The following CPNE9 variants were observed in gnomAD, a reference collection of about 807,000 sequenced individuals.
The protein encoded by CPNE9 is copine family member 9.
A neutral mutation model predicts 83.0 loss-of-function variants in CPNE9; 59 were observed. That is an observed-to-expected ratio of 0.71 (90% CI 0.58 to 0.88). CPNE9 has a LOEUF of 0.88. CPNE9 is among the 40% of genes least tolerant of loss of function. The pLI is 0.00. For missense variants in CPNE9, 619 were observed against 720.8 expected, an observed-to-expected ratio of 0.86 and a Z score of 1.62; for synonymous variants, 256 against 273.4, an observed-to-expected ratio of 0.94 and a Z score of 0.63.
intron 13 of CPNE9, 36 bp downstream of exon 13, chr3:9,715,562 C>T (rs1329928651): frequency 2.6e-6 from 4 of 1,560,618 alleles, no homozygotes; most frequent in Non-Finnish European, 3.5e-6. Context: ...CTCCCTGGAT[C>T]CTTCCGTGTC....
rs1559647404 is a variant in CPNE9 at position 9,727,500 on chromosome 3, G to A, written c.1476+314G>A. 7 of 693,268 alleles carry A rather than the reference G, an allele frequency of 1.0e-5. No homozygotes were observed. The South Asian group carries it at 1.1e-4, about 11-fold the overall frequency. The allele number at this position is 693,268 out of a possible 1,614,324, so 42.9% of individuals were successfully genotyped here. A position where few individuals can be genotyped will look rare whatever the true frequency, so the allele number is the denominator to read the frequency against. ...CTCCAGAGGAATAGCAAATGCCACT[G>A]TGAGAGCCTGTAACAGGGACCTAAC... On this transcript the variant is annotated intron_variant, in intron 20 of 20. Coordinates refer to ENST00000383832, the MANE Select transcript of CPNE9 (RefSeq NM_153635.3).
intron 4 of CPNE9, 101 bp downstream of exon 4, chr3:9,705,095 C>T (rs2076548489): frequency 2.4e-6 from 2 of 843,678 alleles, no homozygotes; most frequent in Admixed American, 2.0e-5. Flanking sequence ...CCTGGTTCTT[C>T]TCGCAGGCCT....
chr3:9,713,702 G>C (rs760454761), intron 10 of CPNE9, among the ~76,000 whole-genome samples: 7 of 152,114 alleles, frequency 4.6e-5, no homozygotes, highest in Non-Finnish European at 1.0e-4. Flanking sequence ...TGGATTTGTA[G>C]GTGAATTAGT....
chr3:9,727,328 C>T, intron 20 of CPNE9, 142 bp downstream of exon 20: 5 of 940,860 alleles, frequency 5.3e-6, no homozygotes, highest in Non-Finnish European at 8.6e-6. Flanking sequence ...TCATTGAATA[C>T]ATCCTTTTTG....
chr3:9,705,901 T>C, intron 6 of CPNE9, 86 bp from the exon 7 acceptor site: 2 of 1,476,024 alleles, frequency 1.4e-6, no homozygotes, highest in Non-Finnish European at 1.9e-6. Flanking sequence ...GGAACTGCCC[T>C]GGTCCTGTGC....
chr3:9,726,149 C>A, intron 18 of CPNE9, 98 bp downstream of exon 18: 1 of 701,824 alleles, frequency 1.4e-6, no homozygotes, highest in Non-Finnish European at 2.4e-6. Context: ...GTTAGCCTGC[C>A]AGTTTCATGG....
intron 19 of CPNE9, 152 bp from the exon 20 acceptor site, chr3:9,726,961 T>C (rs2076790118): frequency 3.5e-6 from 3 of 857,368 alleles, no homozygotes; most frequent in Admixed American, 2.1e-5. Context: ...ATAATAGTAA[T>C]AATAACTCCA....
rs1575113659 is a variant in CPNE9, at chr3:9,704,954, G to C, written c.220G>C (p.Asp74His). The change falls in exon 4 of 21, where the codon GAC becomes CAC. Residue 74 changes from aspartate to histidine, a missense_variant. Transcript: ENST00000383832. The surrounding 1 kb of genome is among the most constrained non-coding windows in gnomAD (Gnocchi z 7.1). ...AGACTTCGTGCGCAAATTCGTCCTC[G>C]ACTATTTCTTTGAGGAAAAGCAAAA... ...NPDFVRKFVL[D>H]YFFEEKQNLR... 9 of 1,613,302 alleles carry C rather than the reference G, an allele frequency of 5.6e-6. No individual in the cohort carries two copies. The East Asian group carries it at 1.3e-4, about 24-fold the overall frequency.
chr3:9,704,175 C>A lies in CPNE9; in HGVS notation c.68+111C>A. ...GACCCCCGGGGAGAGGCGAAATTGG[C>A]TGGAAAATCACAGCTGATGACAGGG... is the stretch of plus-strand genomic sequence containing the variant. On this transcript the variant is annotated intron_variant, in intron 1 of 20. Transcript: ENST00000383832. This position sits in a 1 kb window ranked among gnomAD's most constrained non-coding sequence, Gnocchi z 7.1. 2.9e-6 allele frequency: 3 copies of A among 1,033,314 alleles called. No homozygotes were observed. The highest frequency in any genetic ancestry group is 4.2e-6 in the Non-Finnish European group (3 of 708,400). 64.0% of individuals were successfully genotyped at this position (1,033,314 alleles called of 1,614,324 possible). A position where few individuals can be genotyped will look rare whatever the true frequency, so the allele number is the denominator to read the frequency against.
rs1005396893 is a variant in CPNE9 at position 9,717,175 on chromosome 3, G to A, written c.931+71G>A. On this transcript the variant is annotated intron_variant, in intron 15 of 20. Coordinates refer to ENST00000383832, the MANE Select transcript of CPNE9 (RefSeq NM_153635.3). ...TAAGGGAGTCATTAGGAGTTGGCCT[G>A]GATTCCTACCTAGAGATAAGAGTTT... is the stretch of plus-strand genomic sequence containing the variant. 24 of 1,519,506 alleles carry A rather than the reference G, an allele frequency of 1.6e-5. No homozygotes were observed. The Middle Eastern group carries it at 5.1e-4, about 32-fold the overall frequency. The allele number at this position is 1,519,506 out of a possible 1,614,324, so 94.1% of individuals were successfully genotyped here.
intron 10 of CPNE9, 24 bp from the exon 11 acceptor site, chr3:9,714,890 G>A: frequency 6.2e-7 from 1 of 1,607,760 alleles, no homozygotes; most frequent in African/African-American, 1.3e-5. Flanking sequence ...CACACCTAGG[G>A]TATGTTTATC....
intron 7 of CPNE9, among the ~76,000 whole-genome samples, chr3:9,709,256 A>G (rs1167587996): frequency 1.4e-5 from 2 of 146,740 alleles, no homozygotes; most frequent in African/African-American, 5.0e-5. Context: ...AGCCTGGGCA[A>G]CAGAGGGAGA....
intron 17 of CPNE9, among the ~76,000 whole-genome samples, chr3:9,721,895 T>G (rs1027924564): frequency 1.3e-5 from 2 of 152,122 alleles, no homozygotes; most frequent in African/African-American, 4.8e-5. Flanking sequence ...TTCCTCATTT[T>G]AAACATAGGA....
At chr3:9,705,348 G>C in intron 4 of CPNE9, 116 bp from the exon 5 acceptor site, 1 of 767,090 alleles carries the variant, frequency 1.3e-6, no homozygotes, top group Non-Finnish European at 2.2e-6. Context: ...AGCTGAATTC[G>C]GGTCCACGGC....
Position 9,705,003 on chromosome 3 carries a change from C to A in CPNE9, c.260+9C>A. ...AATCTGCGCTTCGATGTGTGAGGCC[C>A]CGCCTGGAATTCTGGCTTGGCCCGC... is the stretch of plus-strand genomic sequence containing the variant. On this transcript the variant is annotated intron_variant, in intron 4 of 20. Transcript: ENST00000383832. 1 of 1,596,456 alleles carries A rather than the reference C, an allele frequency of 6.3e-7. No individual in the cohort carries two copies. Among genetic ancestry groups the A allele is most frequent in the African/African-American group, 1.3e-5 (1 of 74,678 alleles).
intron 4 of CPNE9, among the ~76,000 whole-genome samples, 188 bp from the exon 5 acceptor site, chr3:9,705,276 C>T (rs573456551): frequency 6.6e-6 from 1 of 152,122 alleles, no homozygotes; most frequent in African/African-American, 2.4e-5. Context: ...GACTTGGCCT[C>T]GGCCCAGGCT....
chr3:9,728,069 G>C (rs2076799592), intron 20 of CPNE9, among the ~76,000 whole-genome samples: 1 of 152,264 alleles, frequency 6.6e-6, no homozygotes, highest in Non-Finnish European at 1.5e-5. Context: ...GGGAAAGCTA[G>C]AGGAGGAGAT....
chr3:9,708,436 G>A (rs2076585109), intron 7 of CPNE9, among the ~76,000 whole-genome samples: 1 of 152,198 alleles, frequency 6.6e-6, no homozygotes, highest in African/African-American at 2.4e-5. Context: ...AACCAAGAGA[G>A]GGTGATGTCA....
chr3:9,709,805 C>T (rs1418748116), intron 7 of CPNE9, among the ~76,000 whole-genome samples: 3 of 151,822 alleles, frequency 2.0e-5, no homozygotes, highest in Non-Finnish European at 4.4e-5. Flanking sequence ...GCCTGGCCAA[C>T]ATGGCGAAAC....
Sources: gnomAD v4.1 joint callset for allele counts (sites outside exome capture counted in the v4.1 genomes callset) on GRCh38, gnomAD v4.1.1 for gene constraint, Gnocchi (gnomAD v3.1) non-coding constraint, MANE v1.5 for transcripts, NCBI Gene and HGNC (gene_info 2026-07-23, HGNC 2026-07-21) for gene names.